Variants in FRMPD4 observed in about 807,000 individuals in gnomAD.
FRMPD4 encodes the protein FERM and PDZ domain-containing protein 4.
In FRMPD4, 22 loss-of-function variants were observed where a neutral mutation model predicts 94.1. The observed-to-expected ratio is 0.23, with a 90% CI of 0.17 to 0.33. FRMPD4 has a LOEUF of 0.33. FRMPD4 is among the 10% of genes least tolerant of loss of function. The pLI, the probability that FRMPD4 is intolerant of heterozygous loss-of-function variation, is 1.00. For missense variants in FRMPD4, 1,111 were observed against 1,339.9 expected, an observed-to-expected ratio of 0.83 and a Z score of 2.67; for synonymous variants, 631 against 548.6, an observed-to-expected ratio of 1.15 and a Z score of -2.10.
chrX:12,101,438 A>T (rs1252577654), intron 3 of FRMPD4, among the ~76,000 whole-genome samples: 1 of 111,529 alleles, frequency 9.0e-6, no homozygotes, highest in African/African-American at 3.3e-5. Flanking sequence ...CTCTGAAGCT[A>T]CCTGGAATAA....
intron 3 of FRMPD4, among the ~76,000 whole-genome samples, chrX:12,050,309 TGG>T (rs1358232626): frequency 8.9e-6 from 1 of 111,742 alleles, no homozygotes; most frequent in African/African-American, 3.2e-5. Context: ...ACCTTTTCTA[TGG>T]TTAAATATGT....
intron 3 of FRMPD4, among the ~76,000 whole-genome samples, chrX:11,899,775 T>C (rs1403005869): frequency 8.9e-6 from 1 of 112,494 alleles, no homozygotes; most frequent in Non-Finnish European, 1.9e-5. Context: ...TCAATCATTT[T>C]CTGCTATTAC....
At chrX:12,282,728 C>T (rs5935288) in intron 1 of FRMPD4, among the ~76,000 whole-genome samples, 10,373 of 111,726 alleles carry the variant, frequency 0.093, 389 homozygotes, top group Admixed American at 0.16. Flanking sequence ...TCTTGGGGCA[C>T]GGGTGCGCTC....
At chrX:12,070,778 A>G (rs2054960665) in intron 3 of FRMPD4, among the ~76,000 whole-genome samples, 1 of 112,366 alleles carries the variant, frequency 8.9e-6, no homozygotes, top group East Asian at 2.8e-4. Flanking sequence ...TATATGTATT[A>G]TGGAACTGAT....
intron 1 of FRMPD4, among the ~76,000 whole-genome samples, chrX:12,388,706 C>CT (rs2056431646): frequency 9.4e-6 from 1 of 105,927 alleles, no homozygotes; most frequent in Non-Finnish European, 1.9e-5. Context: ...TCTTAAATCA[C>CT]TTTGTTGAAG....
At chrX:12,470,266 A>T (rs950552669) in intron 1 of FRMPD4, among the ~76,000 whole-genome samples, 1 of 111,967 alleles carries the variant, frequency 8.9e-6, no homozygotes, top group Non-Finnish European at 1.9e-5. Flanking sequence ...ACAATTGGAA[A>T]TTGTCGTTAA....
intron 1 of FRMPD4, among the ~76,000 whole-genome samples, chrX:12,419,853 C>T (rs191508130): frequency 9.0e-6 from 1 of 111,458 alleles, no homozygotes; most frequent in East Asian, 2.8e-4. Flanking sequence ...CCTGGCTCCT[C>T]CTCCTTTATC....
rs756217394 is a variant in FRMPD4 at position 12,056,643 on chromosome X, TC to T, written c.95+178626del. On this transcript the variant is annotated intron_variant, in intron 3 of 18. Coordinates refer to the FRMPD4 transcript ENST00000640291. ...GCTTTTCAGAGTGCTTTTGAGGCTT[TC>T]ATTTTTGGGGTATTGTTTTCTGAGT... is the stretch of plus-strand genomic sequence containing the variant. Among the ~76,000 whole-genome samples the T allele has an allele frequency of 5.3e-3, 593 of 111,525 alleles. 4 individuals are homozygous for T. Among genetic ancestry groups the T allele is most frequent in the African/African-American group, 0.018 (559 of 30,716 alleles).
At chrX:12,658,107 G>A (rs755661592) in intron 4 of FRMPD4, among the ~76,000 whole-genome samples, 8 of 111,867 alleles carry the variant, frequency 7.2e-5, no homozygotes, top group Non-Finnish European at 1.3e-4. Flanking sequence ...TGGGCTTCCT[G>A]TGGCAAACCC....
At chrX:12,322,520 G>T (rs1268225842) in intron 1 of FRMPD4, among the ~76,000 whole-genome samples, 1 of 110,166 alleles carries the variant, frequency 9.1e-6, no homozygotes, top group Non-Finnish European at 1.9e-5. Flanking sequence ...CAGCATGGCA[G>T]GAGCTGCATG....
In FRMPD4 at chrX:12,508,953, T is replaced by C. The variant is rs190780692; in HGVS notation, c.158+10157T>C. The stretch of plus-strand genomic sequence containing the variant: ...ATTGCAGTGAGCTGAGATCGCACCA[T>C]TGCACTTCAGCCTGGGCGACAGAGT... On this transcript the variant is annotated intron_variant, in intron 2 of 16. Transcript: ENST00000675598. Among the ~76,000 whole-genome samples the C allele has an allele frequency of 7.6e-3, 707 of 92,845 alleles. 19 individuals carry two copies. Among genetic ancestry groups the C allele is most frequent in the Admixed American group, 0.067 (519 of 7,739 alleles). The allele number at this position is 92,845 out of a possible 115,157, so 80.6% of individuals were successfully genotyped here. A position where few individuals can be genotyped will look rare whatever the true frequency, so the allele number is the denominator to read the frequency against.
intron 3 of FRMPD4, among the ~76,000 whole-genome samples, chrX:11,991,494 A>G (rs2054463945): frequency 8.9e-6 from 1 of 112,137 alleles, no homozygotes; most frequent in Non-Finnish European, 1.9e-5. Context: ...AGATTTCAAT[A>G]GACCATGGAG....
chrX:12,656,136 G>T (rs779425941), intron 4 of FRMPD4, among the ~76,000 whole-genome samples: 5 of 112,012 alleles, frequency 4.5e-5, no homozygotes, highest in Non-Finnish European at 9.4e-5. Context: ...TGTATTGATG[G>T]ACTGCAACTT....
At chrX:12,066,865 G>C (rs376624844) in intron 3 of FRMPD4, among the ~76,000 whole-genome samples, 1 of 96,497 alleles carries the variant, frequency 1.0e-5, no homozygotes, top group Non-Finnish European at 2.1e-5. Flanking sequence ...CAAGTTTTTT[G>C]TTTTTGTTTT....
At chrX:12,480,716 G>A (rs1235982727) in intron 1 of FRMPD4, among the ~76,000 whole-genome samples, 2 of 112,189 alleles carry the variant, frequency 1.8e-5, no homozygotes, top group African/African-American at 6.5e-5. Context: ...CACAGCAGTG[G>A]AGCTAACATA....
intron 2 of FRMPD4, among the ~76,000 whole-genome samples, chrX:11,871,519 T>C (rs1408367425): frequency 9.7e-5 from 11 of 112,879 alleles, no homozygotes; most frequent in Non-Finnish European, 3.7e-5. Flanking sequence ...TTAGTATAAG[T>C]ATATCCTATT....
In FRMPD4 at chrX:12,164,823, G is replaced by A. The variant is rs185391461; in HGVS notation, c.41+25811G>A. On this transcript the variant is annotated intron_variant, in intron 1 of 16. Transcript: ENST00000675598. The stretch of plus-strand genomic sequence containing the variant: ...AGTGATGACAAGCATTTTTTCATGT[G>A]TTTTTTGGCTGCATAAATGTCTTCT... Among the ~76,000 whole-genome samples the A allele has an allele frequency of 1.7e-3, 189 of 112,584 alleles. 7 individuals carry two copies. In the East Asian group the frequency reaches 0.041, roughly 24 times the overall value.
At chrX:12,113,039 G>A (rs1367076767) in intron 3 of FRMPD4, among the ~76,000 whole-genome samples, 4 of 111,696 alleles carry the variant, frequency 3.6e-5, no homozygotes, top group Non-Finnish European at 7.5e-5. Flanking sequence ...CTTTTCTTCT[G>A]GGGTTATTAT....
rs772621253 is a variant in FRMPD4, at chrX:12,424,573, G to T, written c.42-74107G>T. 2.7e-5 allele frequency among the ~76,000 whole-genome samples: 3 copies of T among 112,233 alleles called. No homozygotes were observed. The East Asian group carries it at 8.4e-4, about 31-fold the overall frequency. Reference sequence around the variant, plus strand: ...CTTGTTAAAATACAGACTCTGATCAGATAGATCGAGGGTGGGACCCGGGCT... The same window carrying T: ...CTTGTTAAAATACAGACTCTGATCATATAGATCGAGGGTGGGACCCGGGCT... On this transcript the variant is annotated intron_variant, in intron 1 of 16. Transcript: ENST00000675598.
Sources: allele counts gnomAD v4.1 joint callset (sites outside exome capture counted in the v4.1 genomes callset), GRCh38; gene constraint gnomAD v4.1.1; transcripts MANE v1.5; gene names NCBI Gene and HGNC (gene_info 2026-07-23, HGNC 2026-07-21).